PTPRR: variants seen among roughly 807,000 people sequenced by gnomAD.
PTPRR encodes protein tyrosine phosphatase receptor type R.
In PTPRR, 38 loss-of-function variants were observed where a neutral mutation model predicts 77.2. That is an observed-to-expected ratio of 0.49 (90% CI 0.38 to 0.65). PTPRR has a LOEUF of 0.65. PTPRR is among the 30% of genes least tolerant of loss of function. The probability of loss-of-function intolerance (pLI) is 0.00; values close to 1 mark genes in which losing one functional copy is unlikely to be tolerated. For missense variants in PTPRR, 744 were observed against 799.2 expected, an observed-to-expected ratio of 0.93 and a Z score of 0.83; for synonymous variants, 299 against 283.1, an observed-to-expected ratio of 1.06 and a Z score of -0.57.
intron 2 of PTPRR, among the ~76,000 whole-genome samples, chr12:70,861,768 C>T (rs1020093711): frequency 1.7e-4 from 26 of 152,042 alleles, no homozygotes; most frequent in African/African-American, 6.3e-4. Context: ...TGTTAAAGGG[C>T]CATCAATCTC....
chr12:70,792,082 TC>T (rs1891431060), intron 2 of PTPRR, among the ~76,000 whole-genome samples: 1 of 152,176 alleles, frequency 6.6e-6, no homozygotes. Context: ...GCATAACTCT[TC>T]AACTCAGCTG....
At chr12:70,697,120 T>C (rs1009603587) in intron 8 of PTPRR, among the ~76,000 whole-genome samples, 2 of 152,218 alleles carry the variant, frequency 1.3e-5, no homozygotes, top group African/African-American at 2.4e-5. Context: ...CCAGGTCATA[T>C]AGCAACTCAG....
intron 13 of PTPRR, 42 bp from the exon 14 acceptor site, chr12:70,639,319 C>A (rs747650058): frequency 1.9e-6 from 3 of 1,596,404 alleles, no homozygotes; most frequent in African/African-American, 2.7e-5. Flanking sequence ...TTGCTAAAAT[C>A]TTGCAATTTC....
chr12:70,673,041 A>AT (rs1299499018), intron 10 of PTPRR: 17 of 1,119,338 alleles, frequency 1.5e-5, no homozygotes, highest in Non-Finnish European at 2.0e-5. Context: ...CAAAAAAAAA[A>AT]AAAAAAAAGA....
intron 2 of PTPRR, among the ~76,000 whole-genome samples, chr12:70,809,760 G>T (rs4760821): frequency 0.69 from 105,430 of 152,076 alleles, 38,554 homozygotes; most frequent in South Asian, 0.83. Context: ...GATTGAATAT[G>T]GTTTCATCTA....
intron 2 of PTPRR, among the ~76,000 whole-genome samples, chr12:70,847,240 A>G (rs190392026): frequency 1.3e-5 from 2 of 152,350 alleles, no homozygotes; most frequent in East Asian, 1.9e-4. Flanking sequence ...AATGTAGTGC[A>G]TGTAATGTGC....
At chr12:70,796,619 ATTTACGTT>A (rs1317160425) in intron 2 of PTPRR, among the ~76,000 whole-genome samples, 2 of 152,202 alleles carry the variant, frequency 1.3e-5, no homozygotes, top group Non-Finnish European at 2.9e-5. Context: ...TCCATTGAGA[ATTTACGTT>A]TTTAGGGGAT....
In PTPRR at chr12:70,892,791, T is replaced by C. The variant is rs770830861; in HGVS notation, c.245A>G (p.Asn82Ser). ...ATATGCGGGTCTAGGAAATGCTGAATTGACAATCTGGTGGCGTTTGCTTAC... is the reference window on the plus strand; with the variant it reads ...ATATGCGGGTCTAGGAAATGCTGAACTGACAATCTGGTGGCGTTTGCTTAC... ...AQVSKRHQIV[N>S]SAFPRPAYDP... Residue 82 changes from asparagine (N) to serine (S), a missense_variant, in exon 2 of 14, where the codon AAT becomes AGT. Coordinates refer to ENST00000283228, the MANE Select transcript of PTPRR (RefSeq NM_002849.4). 1.2e-6 allele frequency: 2 copies of C among 1,613,594 alleles called. No homozygotes were observed. The highest frequency in any genetic ancestry group is 2.2e-5 in the South Asian group (2 of 91,080).
chr12:70,701,630 T>G (rs1226317545), intron 6 of PTPRR, among the ~76,000 whole-genome samples: 1 of 151,988 alleles, frequency 6.6e-6, no homozygotes, highest in East Asian at 1.9e-4. Flanking sequence ...TAAAAAAAAA[T>G]TAGGAAAAGC....
intron 2 of PTPRR, among the ~76,000 whole-genome samples, chr12:70,866,367 A>G (rs935426575): frequency 6.6e-6 from 1 of 152,076 alleles, no homozygotes; most frequent in African/African-American, 2.4e-5. Flanking sequence ...CCGATCCCAC[A>G]GAAATACAAA....
chr12:70,911,634 A>C (rs567571923), intron 1 of PTPRR, among the ~76,000 whole-genome samples: 81 of 151,780 alleles, frequency 5.3e-4, no homozygotes, highest in African/African-American at 1.9e-3. Context: ...GCATTGGGAG[A>C]GATATCTGCA....
chr12:70,749,384 G>A (rs1226150307), intron 5 of PTPRR, among the ~76,000 whole-genome samples: 3 of 152,130 alleles, frequency 2.0e-5, no homozygotes, highest in Admixed American at 6.5e-5. Context: ...ACTAAAACAT[G>A]TTAGGCATTT....
At chr12:70,856,843 G>A (rs1004281801) in intron 2 of PTPRR, among the ~76,000 whole-genome samples, 1 of 151,594 alleles carries the variant, frequency 6.6e-6, no homozygotes, top group Non-Finnish European at 1.5e-5. Flanking sequence ...GTGGGGGAGA[G>A]AGGGGGAGAG....
intron 2 of PTPRR, among the ~76,000 whole-genome samples, chr12:70,829,725 C>T (rs1039873912): frequency 6.6e-6 from 1 of 152,122 alleles, no homozygotes; most frequent in South Asian, 2.1e-4. Flanking sequence ...ACAGACTAAC[C>T]TTCTAAGGAG....
chr12:70,692,481 C>G (rs1443589855), intron 8 of PTPRR, among the ~76,000 whole-genome samples: 1 of 152,108 alleles, frequency 6.6e-6, no homozygotes, highest in Admixed American at 6.6e-5. Flanking sequence ...TCTGGTTGCT[C>G]TACTTGACAG....
chr12:70,895,441 C>T (rs1033564165), intron 1 of PTPRR, among the ~76,000 whole-genome samples: 2 of 151,266 alleles, frequency 1.3e-5, no homozygotes, highest in African/African-American at 2.4e-5. Flanking sequence ...TAAGTTGAAG[C>T]GCAATTGAAA....
intron 2 of PTPRR, among the ~76,000 whole-genome samples, chr12:70,767,712 A>AT (rs972227454): frequency 7.9e-5 from 12 of 152,136 alleles, no homozygotes; most frequent in African/African-American, 2.2e-4. Context: ...CAGAATATAC[A>AT]TTTTTTTCAG....
At chr12:70,839,441 C>T (rs1381594474) in intron 2 of PTPRR, among the ~76,000 whole-genome samples, 1 of 152,028 alleles carries the variant, frequency 6.6e-6, no homozygotes, top group African/African-American at 2.4e-5. Flanking sequence ...AAATGTGCAA[C>T]TGCAACATTT....
intron 1 of PTPRR, among the ~76,000 whole-genome samples, chr12:70,894,698 G>A (rs573451516): frequency 7.4e-4 from 112 of 151,724 alleles, no homozygotes; most frequent in African/African-American, 2.6e-3. Flanking sequence ...ACAGTGGTAA[G>A]AACAACAACA....
Sources: allele counts gnomAD v4.1 joint callset (sites outside exome capture counted in the v4.1 genomes callset), GRCh38; gene constraint gnomAD v4.1.1; transcripts MANE v1.5; gene names NCBI Gene and HGNC (gene_info 2026-07-23, HGNC 2026-07-21).